SNTG2: variants seen among roughly 807,000 people sequenced by gnomAD.
SNTG2 encodes syntrophin gamma 2.
A neutral mutation model predicts 70.9 loss-of-function variants in SNTG2; 74 were observed. The ratio of observed to expected loss-of-function variants is 1.04; its 90% CI spans 0.86 to 1.27. The LOEUF is 1.27. Ranked by LOEUF, SNTG2 falls within the 50% of genes most tolerant of loss-of-function variation. SNTG2 has a pLI of 0.00. For missense variants in SNTG2, 717 were observed against 690.7 expected, an observed-to-expected ratio of 1.04 and a Z score of -0.43; for synonymous variants, 278 against 273.8, an observed-to-expected ratio of 1.02 and a Z score of -0.15.
intron 13 of SNTG2, among the ~76,000 whole-genome samples, chr2:1,264,246 G>C (rs1678604942): frequency 1.3e-5 from 2 of 152,184 alleles, no homozygotes; most frequent in Non-Finnish European, 2.9e-5. Flanking sequence ...GAGGAATATA[G>C]ACAAAGGTAA....
chr2:1,202,815 G>A (rs1456785213), intron 8 of SNTG2, among the ~76,000 whole-genome samples: 1 of 152,076 alleles, frequency 6.6e-6, no homozygotes, highest in Non-Finnish European at 1.5e-5. Flanking sequence ...ATGTTCCCAA[G>A]AGAAACATTT....
intron 11 of SNTG2, among the ~76,000 whole-genome samples, chr2:1,242,112 C>T (rs1242231670): frequency 6.6e-6 from 1 of 152,162 alleles, no homozygotes; most frequent in African/African-American, 2.4e-5. Context: ...TGATGAAGAA[C>T]TAGCCCTGCT....
At chr2:987,725 A>C (rs1026037381) in intron 1 of SNTG2, among the ~76,000 whole-genome samples, 1 of 152,160 alleles carries the variant, frequency 6.6e-6, no homozygotes, top group Non-Finnish European at 1.5e-5. Flanking sequence ...TAGGAAACCA[A>C]GGGGAGGCTG....
chr2:1,347,644 G>A (rs11676718), intron 16 of SNTG2, among the ~76,000 whole-genome samples: 40,928 of 152,120 alleles, frequency 0.27, 5,876 homozygotes, highest in East Asian at 0.54. Context: ...CCTTGGCCAA[G>A]GCCATGTGAG....
intron 2 of SNTG2, among the ~76,000 whole-genome samples, chr2:1,086,298 CG>C (rs1231374106): frequency 6.6e-6 from 1 of 152,218 alleles, no homozygotes; most frequent in Non-Finnish European, 1.5e-5. Flanking sequence ...GAGGAAGACA[CG>C]GGCTCGCTCT....
At chr2:1,362,451 T>TTTCAGTAGAACTTCCAC (rs1661234990) in intron 16 of SNTG2, among the ~76,000 whole-genome samples, 2 of 144,342 alleles carry the variant, frequency 1.4e-5, no homozygotes, top group East Asian at 2.2e-4. Flanking sequence ...AGAACTTCCA[T>TTTCAGTAGAACTTCCAC]GAAGGTCACC....
chr2:1,081,311 G>A (rs548265635), intron 1 of SNTG2, among the ~76,000 whole-genome samples: 1 of 152,334 alleles, frequency 6.6e-6, no homozygotes. Context: ...ATCCTCACAG[G>A]TGTGGTGAGA....
chr2:1,073,025 A>G (rs1663680986), intron 1 of SNTG2, among the ~76,000 whole-genome samples: 1 of 152,230 alleles, frequency 6.6e-6, no homozygotes. Context: ...ATAGATTAGG[A>G]ATTGCTTCCC....
intron 1 of SNTG2, among the ~76,000 whole-genome samples, chr2:967,655 T>A (rs80230863): frequency 0.11 from 16,498 of 152,240 alleles, 1,155 homozygotes; most frequent in Middle Eastern, 0.23. Context: ...GATGTTGGTT[T>A]GTTTCTCTTC....
chr2:975,654 T>A (rs921338737), intron 1 of SNTG2, among the ~76,000 whole-genome samples: 1 of 141,886 alleles, frequency 7.0e-6, no homozygotes, highest in Non-Finnish European at 1.6e-5. Flanking sequence ...TGACAAAAAA[T>A]ACCTACTGTG....
chr2:1,066,654 A>T (rs1342992505), intron 1 of SNTG2, among the ~76,000 whole-genome samples: 1 of 152,218 alleles, frequency 6.6e-6, no homozygotes, highest in East Asian at 1.9e-4. Flanking sequence ...CACACATCAC[A>T]ATCTGATTGA....
intron 1 of SNTG2, among the ~76,000 whole-genome samples, chr2:974,487 A>G (rs1374515152): frequency 2.6e-5 from 4 of 152,092 alleles, no homozygotes; most frequent in Non-Finnish European, 4.4e-5. Flanking sequence ...ATCAGTGCAT[A>G]AGTGACCCCT....
intron 8 of SNTG2, among the ~76,000 whole-genome samples, chr2:1,203,701 T>TTC (rs1673448662): frequency 6.6e-6 from 1 of 150,428 alleles, no homozygotes. Flanking sequence ...TGTGTGTGTG[T>TTC]GTGTGTGTGT....
At chr2:1,194,591 A>G (rs1423752869) in intron 8 of SNTG2, among the ~76,000 whole-genome samples, 3 of 152,140 alleles carry the variant, frequency 2.0e-5, no homozygotes, top group Non-Finnish European at 2.9e-5. Context: ...GCCGCCTGCA[A>G]TAGTTAAATT....
intron 8 of SNTG2, among the ~76,000 whole-genome samples, chr2:1,184,118 A>T (rs1433410918): frequency 6.6e-6 from 1 of 152,334 alleles, no homozygotes; most frequent in East Asian, 1.9e-4. Flanking sequence ...CCCCCAGTCC[A>T]TCAGGAGACT....
intron 1 of SNTG2, among the ~76,000 whole-genome samples, chr2:1,025,105 T>A (rs1290612498): frequency 6.6e-6 from 1 of 152,192 alleles, no homozygotes; most frequent in Admixed American, 6.5e-5. Flanking sequence ...AGGGATGTTG[T>A]AGAGCTTAAC....
In SNTG2 at chr2:1,276,047, G is replaced by T. The variant is rs369784335; in HGVS notation, c.1284+8476G>T. Among the ~76,000 whole-genome samples the T allele has an allele frequency of 1.1e-4, 17 of 152,348 alleles. No homozygotes were observed. In the East Asian group the frequency reaches 2.7e-3, roughly 24 times the overall value. Reference sequence around the variant, plus strand: ...TATGAAGGCTTAGAGAAGGGAGGAAGCTGCAGAAGAAAAACTGGAAGCTAG... The same window carrying T: ...TATGAAGGCTTAGAGAAGGGAGGAATCTGCAGAAGAAAAACTGGAAGCTAG... On this transcript the variant is annotated intron_variant, in intron 14 of 16. Transcript: ENST00000308624.
At chr2:1,031,769 C>A (rs898428161) in intron 1 of SNTG2, among the ~76,000 whole-genome samples, 4 of 151,520 alleles carry the variant, frequency 2.6e-5, no homozygotes, top group African/African-American at 9.7e-5. Flanking sequence ...TGAAAATATT[C>A]GAAGAGAGAG....
Position 1,137,786 on chromosome 2 carries a change from GA to G in SNTG2, c.392del (p.Asn131MetfsTer11). ...AVLQVNGIHV[E>X]NATHEEVVHL... is the part of the protein sequence containing the mutation. Reference sequence around the variant, plus strand: ...TGTTCAGGTTAATGGCATACATGTAGAAAATGCAACTCATGAAGAAGTGGTA... The same window carrying G: ...TGTTCAGGTTAATGGCATACATGTAGAAATGCAACTCATGAAGAAGTGGTA... On this transcript the variant is annotated frameshift_variant, in exon 6 of 17. Coordinates refer to ENST00000308624, the MANE Select transcript of SNTG2 (RefSeq NM_018968.4). LOFTEE classifies it high-confidence loss of function. 1.2e-6 allele frequency: 2 copies of G among 1,613,388 alleles called. No homozygotes were observed. The highest frequency in any genetic ancestry group is 1.7e-6 in the Non-Finnish European group (2 of 1,179,668).
Sources: gnomAD v4.1 joint callset for allele counts (sites outside exome capture counted in the v4.1 genomes callset) on GRCh38, gnomAD v4.1.1 for gene constraint, MANE v1.5 for transcripts, NCBI Gene and HGNC (gene_info 2026-07-23, HGNC 2026-07-21) for gene names.